The following STIM1 variants were observed in gnomAD, a reference collection of about 807,000 sequenced individuals.
The protein encoded by STIM1 is stromal interaction molecule 1.
A neutral mutation model predicts 74.7 loss-of-function variants in STIM1; 25 were observed. The ratio of observed to expected loss-of-function variants is 0.33; its 90% CI spans 0.24 to 0.47. STIM1 has a LOEUF of 0.47. Among genes scored for constraint, STIM1 ranks in the 20% least tolerant of loss-of-function variants. STIM1 has a pLI of 1.00. For missense variants in STIM1, 728 were observed against 920.8 expected (o/e 0.79, Z 2.71); for synonymous variants, 328 against 348.8 (o/e 0.94, Z 0.66).
At chr11:4,071,895 T>G (rs1012263554) in intron 6 of STIM1, among the ~76,000 whole-genome samples, 3 of 152,070 alleles carry the variant, frequency 2.0e-5, no homozygotes, top group African/African-American at 7.2e-5. Context: ...GTAGCAGACT[T>G]ATTGGATTTA....
chr11:3,864,312 A>G (rs2090759071), intron 1 of STIM1, among the ~76,000 whole-genome samples: 1 of 152,196 alleles, frequency 6.6e-6, no homozygotes, highest in Non-Finnish European at 1.5e-5. Context: ...AATAATAAGT[A>G]TTTATTATCT....
At chr11:4,018,102 G>A (rs1396181509) in intron 2 of STIM1, among the ~76,000 whole-genome samples, 2 of 151,958 alleles carry the variant, frequency 1.3e-5, no homozygotes, top group East Asian at 1.9e-4. Context: ...ATCACCTGAG[G>A]TCTGGAGTTC....
chr11:4,008,853 T>C (rs2093807642), intron 2 of STIM1, among the ~76,000 whole-genome samples: 1 of 151,642 alleles, frequency 6.6e-6, no homozygotes, highest in Admixed American at 6.6e-5. Flanking sequence ...CAGGAATTGA[T>C]TTTTTTTTCA....
At chr11:3,859,237 G>A (rs1350919655) in intron 1 of STIM1, among the ~76,000 whole-genome samples, 2 of 152,186 alleles carry the variant, frequency 1.3e-5, no homozygotes, top group African/African-American at 4.8e-5. Flanking sequence ...CACTATGAAA[G>A]CCTGATCCTG....
chr11:4,030,301 T>C (rs1261111224), intron 3 of STIM1, among the ~76,000 whole-genome samples: 1 of 141,664 alleles, frequency 7.1e-6, no homozygotes, highest in Admixed American at 7.4e-5. Flanking sequence ...CACTCCAGCC[T>C]GGGTGAAAGA....
chr11:4,016,868 C>T (rs906805678), intron 2 of STIM1, among the ~76,000 whole-genome samples: 3 of 152,238 alleles, frequency 2.0e-5, no homozygotes, highest in East Asian at 1.9e-4. Context: ...GTGTGGGACC[C>T]GCCGAGCCAG....
chr11:4,072,532 G>T (rs914658088), intron 6 of STIM1, among the ~76,000 whole-genome samples: 4 of 152,170 alleles, frequency 2.6e-5, no homozygotes, highest in Non-Finnish European at 5.9e-5. Flanking sequence ...TTGTTGCCTT[G>T]GAGTGGGGCA....
chr11:4,072,874 A>G (rs961668394), intron 6 of STIM1, among the ~76,000 whole-genome samples: 12 of 152,102 alleles, frequency 7.9e-5, no homozygotes, highest in African/African-American at 2.7e-4. Flanking sequence ...GCCTATGCAT[A>G]TATCGCCATC....
chr11:3,984,164 C>T (rs1291922562), intron 2 of STIM1, among the ~76,000 whole-genome samples: 1 of 152,136 alleles, frequency 6.6e-6, no homozygotes, highest in Non-Finnish European at 1.5e-5. Flanking sequence ...CCGTGTCCAG[C>T]CTCTTTCTCC....
chr11:3,909,547 G>C (rs2092525640), intron 1 of STIM1, among the ~76,000 whole-genome samples: 1 of 152,152 alleles, frequency 6.6e-6, no homozygotes, highest in Admixed American at 6.6e-5. Flanking sequence ...TTATGGGGCT[G>C]GGCGCAGTGG....
intron 3 of STIM1, among the ~76,000 whole-genome samples, chr11:4,036,599 A>G (rs764784890): frequency 4.6e-5 from 7 of 152,188 alleles, no homozygotes; most frequent in Non-Finnish European, 1.0e-4. Context: ...CATTTCTCTA[A>G]TGATCAGTGA....
intron 1 of STIM1, among the ~76,000 whole-genome samples, chr11:3,890,868 A>G (rs768701506): frequency 8.5e-5 from 13 of 152,172 alleles, no homozygotes; most frequent in Non-Finnish European, 1.9e-4. Context: ...TCACCTCTCC[A>G]GGTATTGGGC....
chr11:3,856,331 C>A lies in STIM1; in HGVS notation c.61C>A (p.Gln21Lys), dbSNP rs750103201. 6.2e-7 allele frequency: 1 copy of A among 1,614,198 alleles called. No individual in the cohort carries two copies. Among genetic ancestry groups the A allele is most frequent in the Non-Finnish European group, 8.5e-7 (1 of 1,180,032 alleles). ...LLWGLLLHQGQSLSHSHSEKA... is the reference protein window; with the variant it reads ...LLWGLLLHQGKSLSHSHSEKA... ...CTGGGGACTCCTCCTGCACCAGGGC[C>A]AGAGCCTCAGCCATAGTCACAGTGA... The change falls in exon 1 of 13, where the codon CAG becomes AAG. Residue 21 changes from glutamine to lysine, a missense_variant. This residue lies in a region of STIM1 where 62 missense variants were observed against 55.5 expected (regional missense o/e 1.12). Transcript: ENST00000526596.
rs143995346 is a variant in STIM1 at position 4,062,102 on chromosome 11, G to C, written c.613+2706G>C. 3.5e-3 allele frequency among the ~76,000 whole-genome samples: 531 copies of C among 152,264 alleles called. 3 individuals are homozygous for C. The highest frequency in any genetic ancestry group is 0.012 in the African/African-American group (498 of 41,528). On this transcript the variant is annotated intron_variant, in intron 5 of 12. Transcript: ENST00000526596. ...CATCATGAATGTGCTATATGCCACT[G>C]AATTGCTTACTTTAAAATGGTTACT...
intron 2 of STIM1, among the ~76,000 whole-genome samples, chr11:4,004,958 T>A (rs1320156060): frequency 6.6e-6 from 1 of 152,194 alleles, no homozygotes; most frequent in Non-Finnish European, 1.5e-5. Context: ...AAGACATTTA[T>A]GCAGCCAAAA....
intron 1 of STIM1, among the ~76,000 whole-genome samples, chr11:3,857,047 A>T (rs2090402810): frequency 7.2e-6 from 1 of 139,358 alleles, no homozygotes; most frequent in Admixed American, 7.3e-5. Context: ...CCACTTGTTG[A>T]CTTATTCTGT....
chr11:4,050,186 C>A (rs2094228224), intron 3 of STIM1, among the ~76,000 whole-genome samples: 1 of 152,106 alleles, frequency 6.6e-6, no homozygotes, highest in South Asian at 2.1e-4. Flanking sequence ...GCACTATGGG[C>A]AGAAAGATGG....
intron 7 of STIM1, among the ~76,000 whole-genome samples, chr11:4,077,666 A>C (rs1352128994): frequency 6.6e-6 from 1 of 152,024 alleles, no homozygotes; most frequent in Admixed American, 6.6e-5. Flanking sequence ...TTTATGTTAG[A>C]TCTTTTAACT....
At chr11:3,983,351 T>C (rs1027130829) in intron 2 of STIM1, among the ~76,000 whole-genome samples, 1 of 152,236 alleles carries the variant, frequency 6.6e-6, no homozygotes, top group African/African-American at 2.4e-5. Flanking sequence ...CGAGGTTGCC[T>C]CAGTTCCTGG....
Sources: gnomAD v4.1 joint callset for allele counts (sites outside exome capture counted in the v4.1 genomes callset) on GRCh38, gnomAD v4.1.1 for gene constraint, gnomAD v4.1.1 regional missense constraint, MANE v1.5 for transcripts, NCBI Gene and HGNC (gene_info 2026-07-23, HGNC 2026-07-21) for gene names.